Variants in PI4KA observed in about 807,000 individuals in gnomAD.
PI4KA encodes PI4-kinase alpha.
In PI4KA, 122 loss-of-function variants were observed where a neutral mutation model predicts 271.4. The ratio of observed to expected loss-of-function variants is 0.45; its 90% CI spans 0.39 to 0.52. PI4KA has a LOEUF of 0.52. PI4KA is among the 20% of genes least tolerant of loss of function. The probability of loss-of-function intolerance (pLI) is 0.00; values close to 1 mark genes in which losing one functional copy is unlikely to be tolerated. For missense variants in PI4KA, 1,969 were observed against 2,769.1 expected (o/e 0.71, Z 6.48); for synonymous variants, 1,041 against 1,078.8 (o/e 0.96, Z 0.69).
intron 50 of PI4KA, among the ~76,000 whole-genome samples, chr22:20,711,854 C>G (rs1269010494): frequency 6.6e-6 from 1 of 151,146 alleles, no homozygotes; most frequent in Non-Finnish European, 1.5e-5. Flanking sequence ...AAGAGATTCT[C>G]CTGCCTCAGC....
intron 23 of PI4KA, among the ~76,000 whole-genome samples, chr22:20,758,148 G>A (rs978044170): frequency 4.6e-5 from 7 of 151,806 alleles, no homozygotes; most frequent in African/African-American, 1.2e-4. Context: ...GGCGGATCAC[G>A]AGGTCAGGAG....
At chr22:20,811,689 C>T (rs1921038892) in intron 8 of PI4KA, among the ~76,000 whole-genome samples, 1 of 148,948 alleles carries the variant, frequency 6.7e-6, no homozygotes, top group Non-Finnish European at 1.5e-5. Context: ...TAATGATAAA[C>T]ATCCTAGGAA....
At chr22:20,785,852 A>C (rs998021496) in intron 19 of PI4KA, 22 of 1,101,494 alleles carry the variant, frequency 2.0e-5, no homozygotes, top group Non-Finnish European at 2.9e-5. Context: ...GCTTCCTAAA[A>C]TCCTCAACTG....
chr22:20,761,372 G>T lies in PI4KA; in HGVS notation c.2723C>A (p.Thr908Lys). ...CATTACCTGGAAGCGATCAGGATCT[G>T]TTGAACGCAGTACCCTAAGAAGAAA... is the stretch of plus-strand genomic sequence containing the variant. Reference protein sequence around the residue: ...RLEYMRVLRSTDPDRFQVMFC... With the variant: ...RLEYMRVLRSKDPDRFQVMFC... Residue 908 changes from threonine to lysine, a missense_variant, in exon 23 of 55, where the codon ACA becomes AAA. Coordinates refer to ENST00000255882, the MANE Select transcript of PI4KA (RefSeq NM_058004.4). The T allele has an allele frequency of 6.2e-7, 1 of 1,609,076 alleles. No individual in the cohort carries two copies. The highest frequency in any genetic ancestry group is 8.5e-7 in the Non-Finnish European group (1 of 1,175,396).
At chr22:20,760,430 C>T (rs1931845234) in intron 23 of PI4KA, among the ~76,000 whole-genome samples, 1 of 152,146 alleles carries the variant, frequency 6.6e-6, no homozygotes, top group Admixed American at 6.5e-5. Flanking sequence ...TAACTTTTTC[C>T]TTTGTTGTCT....
At position 20,767,105 on chromosome 22, in the gene PI4KA, G is replaced by A. The variant is rs532636534; in HGVS notation, c.2329-1412C>T. 5.3e-5 allele frequency among the ~76,000 whole-genome samples: 8 copies of A among 152,278 alleles called. No individual in the cohort carries two copies. The East Asian group carries it at 1.5e-3, about 29-fold the overall frequency. On this transcript the variant is annotated intron_variant, in intron 19 of 54. Coordinates refer to ENST00000255882, the MANE Select transcript of PI4KA (RefSeq NM_058004.4). ...CAAAATAAATAGAAACACACTAGAT[G>A]TCTACCTGAAAGGGACATTTAAATA...
At chr22:20,847,009 G>A (rs897111403) in intron 1 of PI4KA, among the ~76,000 whole-genome samples, 3 of 151,776 alleles carry the variant, frequency 2.0e-5, no homozygotes, top group African/African-American at 7.3e-5. Context: ...TTAGCTGGGT[G>A]TGGTGCAACG....
At chr22:20,761,588 C>T (rs1293690484) in intron 22 of PI4KA, among the ~76,000 whole-genome samples, 1 of 152,180 alleles carries the variant, frequency 6.6e-6, no homozygotes, top group Non-Finnish European at 1.5e-5. Context: ...GCAGCCCCAC[C>T]ATTAGGATAT....
chr22:20,763,736 A>G (rs4822496), intron 22 of PI4KA, among the ~76,000 whole-genome samples: 75,493 of 152,008 alleles, frequency 0.5, 19,349 homozygotes, highest in African/African-American at 0.6. Context: ...CACCACATCC[A>G]GCCAAAATAA....
At chr22:20,776,844 C>A (rs755549674) in intron 19 of PI4KA, among the ~76,000 whole-genome samples, 1 of 152,174 alleles carries the variant, frequency 6.6e-6, no homozygotes, top group Non-Finnish European at 1.5e-5. Context: ...ACATTAACCA[C>A]ACTGACAGCA....
intron 4 of PI4KA, among the ~76,000 whole-genome samples, chr22:20,821,032 T>C (rs1466343118): frequency 6.6e-6 from 1 of 152,158 alleles, no homozygotes; most frequent in East Asian, 1.9e-4. Context: ...GGTAGTCCAG[T>C]TTTCTGTCTG....
At chr22:20,712,351 G>A (rs868387372) in intron 50 of PI4KA, 135 bp downstream of exon 50, 100 of 1,546,072 alleles carry the variant, frequency 6.5e-5, no homozygotes, top group Middle Eastern at 2.1e-4. Context: ...CACCGTGCCC[G>A]GCCCAGGTGC....
chr22:20,835,708 C>T (rs757751681), intron 2 of PI4KA, among the ~76,000 whole-genome samples: 3 of 150,494 alleles, frequency 2.0e-5, no homozygotes, highest in African/African-American at 4.9e-5. Context: ...CTCCAGCCTG[C>T]GCAAGAGAGT....
Position 20,742,255 on chromosome 22 carries a change from C to T in PI4KA, c.3714G>A (p.Leu1238=). The change falls in exon 32 of 55, where the codon CTG becomes CTA. Residue 1238 remains leucine (L), a synonymous_variant. Transcript: ENST00000255882. ...ETALACWEWL[L]AGKDGVEVPF... ...GCACTTCCACTCCATCCTTGCCAGCCAGCAGCCACTCCCAGCAGGCCAGGG... is the reference window on the plus strand; with the variant it reads ...GCACTTCCACTCCATCCTTGCCAGCTAGCAGCCACTCCCAGCAGGCCAGGG... The T allele has an allele frequency of 1.2e-6, 2 of 1,614,176 alleles. No individual in the cohort carries two copies. The highest frequency in any genetic ancestry group is 1.7e-6 in the Non-Finnish European group (2 of 1,180,006).
intron 29 of PI4KA, among the ~76,000 whole-genome samples, chr22:20,746,951 C>T (rs1193915762): frequency 6.6e-6 from 1 of 152,236 alleles, no homozygotes. Context: ...CCACATATCC[C>T]ATCCCATGCT....
At chr22:20,855,264 A>T (rs1927456258) in intron 1 of PI4KA, among the ~76,000 whole-genome samples, 2 of 151,480 alleles carry the variant, frequency 1.3e-5, no homozygotes, top group Non-Finnish European at 2.9e-5. Flanking sequence ...TACATATTTT[A>T]TATATATATA....
intron 43 of PI4KA, 124 bp downstream of exon 43, chr22:20,721,174 G>C (rs1926689605): frequency 1.1e-6 from 1 of 939,520 alleles, no homozygotes; most frequent in East Asian, 2.4e-5. Flanking sequence ...CCAGCAAAGG[G>C]TGGGAGTGGA....
In PI4KA at chr22:20,813,378, G is replaced by A; in HGVS notation, c.985C>T (p.Leu329Phe). ...YKEFNIPLEM[L>F]RELLNLVKKI... Reference sequence around the variant, plus strand: ...CTTACCAGGTTTAAGAGTTCCCGAAGCATTTCCAATGGAATGTTAAACTCC... The same window carrying A: ...CTTACCAGGTTTAAGAGTTCCCGAAACATTTCCAATGGAATGTTAAACTCC... The change falls in exon 8 of 55, where the codon CTT (leucine) becomes TTT (phenylalanine). Residue 329 changes from leucine (L) to phenylalanine (F), a missense_variant. Transcript: ENST00000255882. The A allele has an allele frequency of 6.2e-7, 1 of 1,613,626 alleles. No individual in the cohort carries two copies. The highest frequency in any genetic ancestry group is 8.5e-7 in the Non-Finnish European group (1 of 1,179,534).
chr22:20,835,471 C>G (rs1424896975), intron 2 of PI4KA, among the ~76,000 whole-genome samples: 1 of 152,180 alleles, frequency 6.6e-6, no homozygotes, highest in African/African-American at 2.4e-5. Flanking sequence ...GTGGCTCACA[C>G]CCGTAATCCC....
Sources: gnomAD v4.1 joint callset for allele counts (sites outside exome capture counted in the v4.1 genomes callset) on GRCh38, gnomAD v4.1.1 for gene constraint, MANE v1.5 for transcripts, NCBI Gene and HGNC (gene_info 2026-07-23, HGNC 2026-07-21) for gene names.